The following HABP2 variants were observed in gnomAD, a reference collection of about 807,000 sequenced individuals.
HABP2 encodes hyaluronan binding protein 2, also known as factor VII-activating protease.
In HABP2, 65 loss-of-function variants were observed where a neutral mutation model predicts 66.5. The ratio of observed to expected loss-of-function variants is 0.98; its 90% CI spans 0.80 to 1.20. The LOEUF (loss-of-function observed/expected upper bound fraction) is 1.20, where lower values mean the gene tolerates loss of function less well. HABP2 is among the 50% of genes most tolerant of loss of function. The pLI, the probability that HABP2 is intolerant of heterozygous loss-of-function variation, is 0.00. For synonymous variants in HABP2, 263 were observed against 253.9 expected, an observed-to-expected ratio of 1.04 and a Z score of -0.34; for missense variants, 786 against 691.0, an observed-to-expected ratio of 1.14 and a Z score of -1.54.
At chr10:113,566,115 C>G (rs1043557468) in intron 1 of HABP2, among the ~76,000 whole-genome samples, 5 of 152,234 alleles carry the variant, frequency 3.3e-5, no homozygotes, top group African/African-American at 1.2e-4. Context: ...ATATACCAAA[C>G]TGCCTAGCTT....
intron 1 of HABP2, among the ~76,000 whole-genome samples, chr10:113,556,501 G>A (rs1452117224): frequency 6.6e-6 from 1 of 152,078 alleles, no homozygotes; most frequent in African/African-American, 2.4e-5. Flanking sequence ...GATTGCTTGA[G>A]GCCAGGAGTT....
chr10:113,558,894 G>A (rs994024938), intron 1 of HABP2, among the ~76,000 whole-genome samples: 1 of 151,566 alleles, frequency 6.6e-6, no homozygotes, highest in Non-Finnish European at 1.5e-5. Context: ...TCGCTCTGTT[G>A]CCCAGGCTGG....
intron 12 of HABP2, among the ~76,000 whole-genome samples, chr10:113,586,475 TGGGGGG>T (rs58042481): frequency 1.2e-5 from 1 of 80,358 alleles, no homozygotes; most frequent in South Asian, 6.1e-4. Context: ...TGTGTGTGTG[TGGGGGG>T]GGGGGGGGTG....
chr10:113,567,312 G>C lies in HABP2; in HGVS notation c.70-177G>C, dbSNP rs11575667. On this transcript the variant is annotated intron_variant, in intron 1 of 12. Coordinates refer to ENST00000351270, the MANE Select transcript of HABP2 (RefSeq NM_004132.5). ...CGCGCACAGGTGGTGGTGGTGGAGG[G>C]GGTGTATCTTCAAATAGACCCCATT... is the stretch of plus-strand genomic sequence containing the variant. 2.1e-3 allele frequency among the ~76,000 whole-genome samples: 326 copies of C among 152,190 alleles called. 1 individual carries two copies. The highest frequency in any genetic ancestry group is 3.0e-3 in the Non-Finnish European group (204 of 67,984).
chr10:113,580,900 G>T lies in HABP2; in HGVS notation c.838+208G>T, dbSNP rs11575766. 0.01 allele frequency among the ~76,000 whole-genome samples: 1,567 copies of T among 152,310 alleles called. 29 individuals are homozygous for T. Among genetic ancestry groups the T allele is most frequent in the African/African-American group, 0.036 (1,487 of 41,546 alleles). ...GGATACCTTTGTGGGTTTAGGTCAG[G>T]TAGTCCAACTCTAAACTCATGGTTT... On this transcript the variant is annotated intron_variant, in intron 8 of 12. Transcript: ENST00000351270.
intron 2 of HABP2, among the ~76,000 whole-genome samples, chr10:113,570,821 A>G (rs767807589): frequency 3.9e-5 from 6 of 152,244 alleles, no homozygotes; most frequent in Admixed American, 1.3e-4. Flanking sequence ...AATCACATAC[A>G]TTAACTACAG....
chr10:113,583,610 G>C (rs1180320263), intron 10 of HABP2, among the ~76,000 whole-genome samples: 2 of 152,222 alleles, frequency 1.3e-5, no homozygotes, highest in Non-Finnish European at 2.9e-5. Flanking sequence ...GGCTTGGCCT[G>C]GAATCCCAGC....
chr10:113,582,870 T>C (rs1204222835), intron 9 of HABP2, among the ~76,000 whole-genome samples: 2 of 152,208 alleles, frequency 1.3e-5, no homozygotes, highest in Admixed American at 6.5e-5. Context: ...TCTGGGATTC[T>C]AGGAGGTGCT....
At chr10:113,586,983 G>A (rs1250960998) in intron 12 of HABP2, among the ~76,000 whole-genome samples, 1 of 152,130 alleles carries the variant, frequency 6.6e-6, no homozygotes, top group Non-Finnish European at 1.5e-5. Context: ...GGTGCAATTT[G>A]CCCTAAACTC....
chr10:113,559,135 G>A (rs1417574222), intron 1 of HABP2, among the ~76,000 whole-genome samples: 1 of 152,164 alleles, frequency 6.6e-6, no homozygotes, highest in East Asian at 1.9e-4. Context: ...GATTACCGGC[G>A]TGAGCCACCG....
chr10:113,581,967 G>C lies in HABP2; in HGVS notation c.930G>C (p.Lys310Asn), dbSNP rs886046742. The C allele has an allele frequency of 6.2e-7, 1 of 1,614,224 alleles. No homozygotes were observed. Among genetic ancestry groups the C allele is most frequent in the Non-Finnish European group, 8.5e-7 (1 of 1,180,012 alleles). Residue 310 changes from lysine (K) to asparagine (N), a missense_variant, in exon 9 of 13, where the codon AAG becomes AAC. Coordinates refer to ENST00000351270, the MANE Select transcript of HABP2 (RefSeq NM_004132.5). ...GAAAGACTGAGATAGCAGAGAGGAA[G>C]ATCAAGAGAATCTATGGAGGCTTTA... ...SCGKTEIAER[K>N]IKRIYGGFKS...
intron 12 of HABP2, among the ~76,000 whole-genome samples, chr10:113,587,235 T>C (rs1845657901): frequency 6.6e-6 from 1 of 152,152 alleles, no homozygotes; most frequent in Non-Finnish European, 1.5e-5. Flanking sequence ...GAGAATCGCT[T>C]GGACGTGGGA....
intron 1 of HABP2, among the ~76,000 whole-genome samples, chr10:113,564,420 C>A (rs1230946696): frequency 6.6e-6 from 1 of 152,096 alleles, no homozygotes; most frequent in African/African-American, 2.4e-5. Context: ...TCACCCTAAG[C>A]CCAGGAGCAC....
At chr10:113,580,519 T>C (rs1176962544) in intron 7 of HABP2, 76 bp from the exon 8 acceptor site, 4 of 805,560 alleles carry the variant, frequency 5.0e-6, no homozygotes, top group Non-Finnish European at 4.4e-6. Context: ...TAGCACCTTC[T>C]TATCCAAAGG....
At chr10:113,563,129 T>C (rs1177920197) in intron 1 of HABP2, among the ~76,000 whole-genome samples, 1 of 152,238 alleles carries the variant, frequency 6.6e-6, no homozygotes, top group Non-Finnish European at 1.5e-5. Flanking sequence ...TTGTCAGCTC[T>C]AAAGGAATGT....
chr10:113,581,411 G>T (rs1180160306), intron 8 of HABP2, among the ~76,000 whole-genome samples: 6 of 152,134 alleles, frequency 3.9e-5, no homozygotes, highest in Non-Finnish European at 7.4e-5. Context: ...AGTCATCTGT[G>T]CAAATGTCTT....
At position 113,575,622 on chromosome 10, in the gene HABP2, T is replaced by C. The variant is rs1468977587; in HGVS notation, c.224-275T>C. On this transcript the variant is annotated intron_variant, in intron 3 of 12. Transcript: ENST00000351270. ...ATGAGGGAAAAGGGGAGTTTCTCAA[T>C]GAGAAAGGCCCCGTCCAAAGCCAGG... 2.6e-5 allele frequency among the ~76,000 whole-genome samples: 4 copies of C among 152,226 alleles called. No homozygotes were observed. In the East Asian group the frequency reaches 7.7e-4, roughly 29 times the overall value.
intron 1 of HABP2, among the ~76,000 whole-genome samples, chr10:113,558,455 T>C (rs1335342642): frequency 1.3e-5 from 2 of 152,192 alleles, no homozygotes; most frequent in Non-Finnish European, 2.9e-5. Flanking sequence ...GGCTTTATCC[T>C]CCTTAGAGGA....
intron 12 of HABP2, among the ~76,000 whole-genome samples, chr10:113,586,616 A>G (rs1845641806): frequency 6.6e-6 from 1 of 152,070 alleles, no homozygotes; most frequent in South Asian, 2.1e-4. Context: ...AACCAATGCT[A>G]AAGTGACTTC....
Sources: allele counts gnomAD v4.1 joint callset (sites outside exome capture counted in the v4.1 genomes callset), GRCh38; gene constraint gnomAD v4.1.1; transcripts MANE v1.5; gene names NCBI Gene and HGNC (gene_info 2026-07-23, HGNC 2026-07-21).